Variants in GTPBP1 observed in about 807,000 individuals in gnomAD.
GTPBP1 encodes the protein GTP-binding protein 1.
Under a neutral mutation model 62.0 loss-of-function variants are expected in GTPBP1, and 23 were observed. The ratio of observed to expected loss-of-function variants is 0.37; its 90% confidence interval spans 0.27 to 0.53. The LOEUF (loss-of-function observed/expected upper bound fraction) is 0.53. GTPBP1 is among the 20% of genes least tolerant of loss of function. The probability of loss-of-function intolerance (pLI) is 0.89; values close to 1 mark genes in which losing one functional copy is unlikely to be tolerated. For synonymous variants in GTPBP1, 344 were observed against 364.4 expected (o/e 0.94, Z 0.64); for missense variants, 640 against 917.3 (o/e 0.70, Z 3.90).
chr22:38,709,138 G>A (rs902479639), intron 2 of GTPBP1, among the ~76,000 whole-genome samples, 182 bp downstream of exon 2: 7 of 151,990 alleles, frequency 4.6e-5, no homozygotes, highest in African/African-American at 1.7e-4. Context: ...CAAAAAATTA[G>A]CCGGGCGCTA....
intron 11 of GTPBP1, among the ~76,000 whole-genome samples, chr22:38,729,891 C>T (rs749882191): frequency 3.3e-5 from 5 of 152,218 alleles, no homozygotes; most frequent in Admixed American, 6.5e-5. Context: ...TTGGCCCTAA[C>T]TAGCATTTGG....
At chr22:38,737,347 G>T (rs2092814701), downstream of GTPBP1, among the ~76,000 whole-genome samples, 1 of 151,876 alleles carries the variant, frequency 6.6e-6, no homozygotes, top group South Asian at 2.1e-4. This position sits in a 1 kb window ranked among gnomAD's most constrained non-coding sequence, Gnocchi z 4.1. Flanking sequence ...CATCCAACTG[G>T]ACATTCACGA....
At position 38,720,479 on chromosome 22, in the gene GTPBP1, C is replaced by T. The variant is rs2092694140; in HGVS notation, c.835-1263C>T. Among the ~76,000 whole-genome samples, 4 of 152,096 alleles carry T rather than the reference C, an allele frequency of 2.6e-5. No homozygotes were observed. The South Asian group carries it at 8.3e-4, about 32-fold the overall frequency. On this transcript the variant is annotated intron_variant, in intron 4 of 11. Coordinates refer to ENST00000216044, the MANE Select transcript of GTPBP1 (RefSeq NM_004286.5). ...TCCTGACCTCAGGTGATTCACCCACCTTGGCCTCCCAAAGTGCTGGGATTA... is the reference window on the plus strand; with the variant it reads ...TCCTGACCTCAGGTGATTCACCCACTTTGGCCTCCCAAAGTGCTGGGATTA...
At chr22:38,723,877 A>T (rs2092713515) in intron 5 of GTPBP1, among the ~76,000 whole-genome samples, 1 of 152,256 alleles carries the variant, frequency 6.6e-6, no homozygotes, top group African/African-American at 2.4e-5. Flanking sequence ...TCCCTTTGGG[A>T]AGCCTCATAA....
intron 5 of GTPBP1, chr22:38,723,187 A>C (rs2092710126): frequency 1.1e-6 from 1 of 922,242 alleles, no homozygotes; most frequent in African/African-American, 1.6e-5. Flanking sequence ...TAGGACCACG[A>C]AGGTGAAATC....
chr22:38,706,554 G>T (rs2092606135), intron 1 of GTPBP1: 1 of 165,840 alleles, frequency 6.0e-6, no homozygotes, highest in Non-Finnish European at 1.3e-5. Context: ...TCCCTGGACC[G>T]CGCGGGACAG....
downstream of GTPBP1, chr22:38,740,115 A>G (rs2092841934): frequency 1.6e-6 from 2 of 1,227,660 alleles, no homozygotes; most frequent in Non-Finnish European, 1.1e-6. This position sits in a 1 kb window ranked among gnomAD's most constrained non-coding sequence, Gnocchi z 4.8. Context: ...AACGCCTGTC[A>G]GTGAGAGCCC....
In GTPBP1 at chr22:38,726,406, G is replaced by A. The variant is rs1481603529; in HGVS notation, c.1367G>A (p.Arg456Gln). ...HRKRMPVKEV[R>Q]GGQTASFALK... is the part of the protein sequence containing the mutation. ...AAGCGCATGCCTGTCAAGGAGGTGC[G>A]GGGTGGCCAGACAGCATCCTTTGCG... Residue 456 changes from arginine to glutamine, a missense_variant, in exon 8 of 12, where the codon CGG (arginine) becomes CAG (glutamine). Coordinates refer to ENST00000216044, the MANE Select transcript of GTPBP1 (RefSeq NM_004286.5). The surrounding 1 kb of genome is among the most constrained non-coding windows in gnomAD (Gnocchi z 4.1). 16 of 1,613,742 alleles carry A rather than the reference G, an allele frequency of 9.9e-6. No homozygotes were observed. The highest frequency in any genetic ancestry group is 1.7e-5 in the Admixed American group (1 of 60,012).
At chr22:38,706,169 G>C in intron 1 of GTPBP1, 22 bp downstream of exon 1, 1 of 1,221,006 alleles carries the variant, frequency 8.2e-7, no homozygotes, top group Non-Finnish European at 1.0e-6. Flanking sequence ...CGGCGGCGGC[G>C]GGCGCTGAGG....
At chr22:38,709,693 G>C (rs368217595) in intron 2 of GTPBP1, among the ~76,000 whole-genome samples, 3 of 152,270 alleles carry the variant, frequency 2.0e-5, no homozygotes, top group African/African-American at 7.2e-5. Flanking sequence ...ATTCTTCTTG[G>C]TGTCAGCAGA....
chr22:38,714,556 G>T (rs1325554548), intron 2 of GTPBP1, among the ~76,000 whole-genome samples: 2 of 151,688 alleles, frequency 1.3e-5, no homozygotes, highest in Non-Finnish European at 2.9e-5. Flanking sequence ...GATTCCCATT[G>T]AGTAGATGGT....
chr22:38,723,422 G>A, intron 5 of GTPBP1: 1 of 1,083,890 alleles, frequency 9.2e-7, no homozygotes, highest in Non-Finnish European at 1.4e-6. Context: ...CTTGAGGGCT[G>A]CAGTGGCAGA....
In GTPBP1 at chr22:38,730,693, A is replaced by AGCGGCT; in HGVS notation, c.2002_2007dup (p.Gly668_Cys669dup). The AGCGGCT allele has an allele frequency of 6.3e-7, 1 of 1,590,602 alleles. No homozygotes were observed. Among genetic ancestry groups the AGCGGCT allele is most frequent in the Non-Finnish European group, 8.5e-7 (1 of 1,169,684 alleles). ...CCAGGGGGCCTGTGTGACTCCTGCC[A>AGCGGCT]GCGGCTGCTGAACCTTCCCCTGGCC... is the stretch of plus-strand genomic sequence containing the variant. On this transcript the variant is annotated inframe_insertion, in exon 12 of 12. Transcript: ENST00000216044. The surrounding 1 kb of genome is among the most constrained non-coding windows in gnomAD (Gnocchi z 5.6).
chr22:38,733,900 G>A (rs1269073642), downstream of GTPBP1, among the ~76,000 whole-genome samples: 1 of 152,254 alleles, frequency 6.6e-6, no homozygotes, highest in Non-Finnish European at 1.5e-5. Flanking sequence ...CTGGACTCTT[G>A]CCACAGTGTG....
At chr22:38,740,234 G>A, downstream of GTPBP1, 1 of 1,512,596 alleles carries the variant, frequency 6.6e-7, no homozygotes, top group East Asian at 2.4e-5. This position sits in a 1 kb window ranked among gnomAD's most constrained non-coding sequence, Gnocchi z 4.8. Context: ...GAGGAGGAGA[G>A]GGACCAGCAG....
chr22:38,738,278 C>T (rs768318554), downstream of GTPBP1: 32 of 1,610,276 alleles, frequency 2.0e-5, no homozygotes, highest in East Asian at 2.7e-4. The surrounding 1 kb of genome is among the most constrained non-coding windows in gnomAD (Gnocchi z 6.6). Flanking sequence ...GCAAAGAGAG[C>T]GGAGGGAAGT....
At chr22:38,708,315 C>T (rs5757253) in intron 1 of GTPBP1, among the ~76,000 whole-genome samples, 56,359 of 152,028 alleles carry the variant, frequency 0.37, 11,084 homozygotes, top group African/African-American at 0.5. Flanking sequence ...GGTGATGGTG[C>T]TTTGTTGATG....
chr22:38,742,686 C>T (rs2092869923), downstream of GTPBP1: 3 of 1,254,738 alleles, frequency 2.4e-6, no homozygotes, highest in South Asian at 1.6e-5. Context: ...TAAGGCCATG[C>T]AGGGCCGGCT....
chr22:38,741,065 G>A, downstream of GTPBP1: 1 of 1,592,106 alleles, frequency 6.3e-7, no homozygotes, highest in Non-Finnish European at 8.6e-7. Context: ...GTAGGAAGAA[G>A]GGACAAATAC....
Sources: gnomAD v4.1 joint callset for allele counts (sites outside exome capture counted in the v4.1 genomes callset) on GRCh38, gnomAD v4.1.1 for gene constraint, Gnocchi (gnomAD v3.1) non-coding constraint, MANE v1.5 for transcripts, NCBI Gene and HGNC (gene_info 2026-07-23, HGNC 2026-07-21) for gene names.